The following OPHN1 variants were observed in gnomAD, a reference collection of about 807,000 sequenced individuals.
OPHN1 encodes oligophrenin 1, also known as oligophrenin-1.
Under a neutral mutation model 60.7 loss-of-function variants are expected in OPHN1, and 11 were observed. The ratio of observed to expected loss-of-function variants is 0.18; its 90% CI spans 0.11 to 0.30. The LOEUF is 0.30. OPHN1 is among the 10% of genes least tolerant of loss of function. The pLI is 1.00. For missense variants in OPHN1, 449 were observed against 611.0 expected, an observed-to-expected ratio of 0.73 and a Z score of 2.80; for synonymous variants, 226 against 222.6, an observed-to-expected ratio of 1.02 and a Z score of -0.14.
intron 12 of OPHN1, 32 bp from the exon 13 acceptor site, chrX:68,194,530 G>T (rs1406682404): frequency 2.7e-6 from 3 of 1,130,372 alleles, no homozygotes; most frequent in South Asian, 3.6e-5. Flanking sequence ...AAGATCCATG[G>T]CTATTGTCAA....
chrX:68,093,409 A>G (rs1158960600), intron 19 of OPHN1, among the ~76,000 whole-genome samples: 3 of 111,481 alleles, frequency 2.7e-5, no homozygotes, highest in African/African-American at 3.3e-5. Flanking sequence ...TTTTGTGTGG[A>G]CATGTTTTCA....
At chrX:68,334,315 T>C in intron 2 of OPHN1, among the ~76,000 whole-genome samples, 1 of 112,351 alleles carries the variant, frequency 8.9e-6, no homozygotes, top group East Asian at 2.8e-4. Flanking sequence ...GAAGTATGAC[T>C]TCCCCTAAGT....
intron 15 of OPHN1, among the ~76,000 whole-genome samples, chrX:68,186,918 G>C (rs2077465116): frequency 8.9e-6 from 1 of 111,777 alleles, no homozygotes; most frequent in Non-Finnish European, 1.9e-5. Flanking sequence ...ACCAATACTG[G>C]GGAGTCACTT....
chrX:68,192,968 G>A lies in OPHN1; in HGVS notation c.1227C>T (p.Arg409=), dbSNP rs747647299. Reference sequence around the variant, plus strand: ...GAACCTGAATATTGCTGCCCACAGTGCGGTACAACCCTTCTGTCTTGATCC... The same window carrying A: ...GAACCTGAATATTGCTGCCCACAGTACGGTACAACCCTTCTGTCTTGATCC... ...TKGIKTEGLY[R]TVGSNIQVQK... is the part of the protein sequence containing the mutation. The change falls in exon 15 of 25, where the codon CGC becomes CGT. Residue 409 remains arginine, a synonymous_variant. Coordinates refer to ENST00000355520, the MANE Select transcript of OPHN1 (RefSeq NM_002547.3). 5 of 1,210,185 alleles carry A rather than the reference G, an allele frequency of 4.1e-6. No individual in the cohort carries two copies. Among genetic ancestry groups the A allele is most frequent in the Middle Eastern group, 2.3e-4 (1 of 4,351 alleles).
At chrX:68,207,043 T>C (rs1366917096) in intron 9 of OPHN1, among the ~76,000 whole-genome samples, 1 of 111,849 alleles carries the variant, frequency 8.9e-6, no homozygotes, top group African/African-American at 3.2e-5. Context: ...TACATGACTC[T>C]ACACATCTCT....
Position 68,053,720 on chromosome X carries a change from C to T in OPHN1, c.2249G>A (p.Arg750Gln), listed in dbSNP as rs765116282. 7.4e-6 allele frequency: 9 copies of T among 1,208,876 alleles called. No homozygotes were observed. Among genetic ancestry groups the T allele is most frequent in the East Asian group, 5.9e-5 (2 of 33,735 alleles). The part of the protein sequence containing the change: ...PPVRPPDPPC[R>Q]AATPQKPEPK... ...TTCTGGCTTTTGGGGAGTAGCTGCCCGGCAGGGAGGATCTGGGGGCCTCAC... is the reference window on the plus strand; with the variant it reads ...TTCTGGCTTTTGGGGAGTAGCTGCCTGGCAGGGAGGATCTGGGGGCCTCAC... The change falls in exon 22 of 25, where the codon CGG becomes CAG. Residue 750 changes from arginine (R) to glutamine (Q), a missense_variant. Arg to Gln is a conservative substitution (Grantham distance 43, BLOSUM62 1). Coordinates refer to ENST00000355520, the MANE Select transcript of OPHN1 (RefSeq NM_002547.3).
At chrX:68,050,847 CCTT>C (rs1397835588) in intron 23 of OPHN1, among the ~76,000 whole-genome samples, 1 of 112,268 alleles carries the variant, frequency 8.9e-6, no homozygotes, top group Non-Finnish European at 1.9e-5. Flanking sequence ...TCTTCGTCTC[CCTT>C]CTTCTTTTCT....
At chrX:68,330,234 G>A (rs959904344) in intron 2 of OPHN1, among the ~76,000 whole-genome samples, 1 of 110,042 alleles carries the variant, frequency 9.1e-6, no homozygotes, top group African/African-American at 3.3e-5. Context: ...CGAGTAGTAG[G>A]ATTACAGGCA....
chrX:68,150,446 T>A (rs891301372), intron 15 of OPHN1, among the ~76,000 whole-genome samples: 1 of 111,779 alleles, frequency 8.9e-6, no homozygotes, highest in African/African-American at 3.2e-5. Context: ...TGAGCACAAA[T>A]CTAACCTATC....
At chrX:68,287,223 G>A (rs1471869221) in intron 3 of OPHN1, among the ~76,000 whole-genome samples, 1 of 91,920 alleles carries the variant, frequency 1.1e-5, no homozygotes, top group African/African-American at 4.4e-5. Context: ...AGGGAAGAAA[G>A]GAAAGAAGGA....
intron 2 of OPHN1, among the ~76,000 whole-genome samples, chrX:68,309,961 G>A (rs1472470444): frequency 8.9e-6 from 1 of 111,949 alleles, no homozygotes; most frequent in Non-Finnish European, 1.9e-5. Flanking sequence ...TGAATTCAAT[G>A]TTAATGAATC....
chrX:68,071,221 G>T, intron 20 of OPHN1: 1 of 663,783 alleles, frequency 1.5e-6, no homozygotes, highest in Non-Finnish European at 2.5e-6. Flanking sequence ...AAAACCACCA[G>T]CCTTCTGTGG....
chrX:68,409,309 A>G (rs1190477451), intron 2 of OPHN1, among the ~76,000 whole-genome samples: 1 of 111,495 alleles, frequency 9.0e-6, no homozygotes, highest in Non-Finnish European at 1.9e-5. Context: ...GCTGGGCCAC[A>G]CTGACTCTCA....
intron 2 of OPHN1, among the ~76,000 whole-genome samples, chrX:68,356,212 C>T (rs1186755499): frequency 9.0e-6 from 1 of 110,747 alleles, no homozygotes; most frequent in Non-Finnish European, 1.9e-5. Flanking sequence ...AGATTGCTCT[C>T]GTGATGTGGG....
chrX:68,275,997 G>C, intron 4 of OPHN1, among the ~76,000 whole-genome samples: 1 of 110,812 alleles, frequency 9.0e-6, no homozygotes, highest in East Asian at 2.9e-4. Flanking sequence ...CTATCATCCA[G>C]GACAGCCAGC....
Position 68,148,834 on chromosome X carries a change from A to G in OPHN1, c.1277-29502T>C, listed in dbSNP as rs192874268. Among the ~76,000 whole-genome samples, 52 of 111,378 alleles carry G rather than the reference A, an allele frequency of 4.7e-4. No homozygotes were observed. In the East Asian group the frequency reaches 0.014, roughly 31 times the overall value. On this transcript the variant is annotated intron_variant, in intron 15 of 24. Transcript: ENST00000355520. Reference sequence around the variant, plus strand: ...TGCCTTGGGCCCAGGATACTGTTAGAGGTTCTGTAATGTTTTAATTTCTTT... The same window carrying G: ...TGCCTTGGGCCCAGGATACTGTTAGGGGTTCTGTAATGTTTTAATTTCTTT...
At chrX:68,257,492 C>T (rs1294552605) in intron 5 of OPHN1, among the ~76,000 whole-genome samples, 1 of 111,450 alleles carries the variant, frequency 9.0e-6, no homozygotes, top group African/African-American at 3.3e-5. Context: ...CTCTGGTTTC[C>T]TGTTCTGTAA....
rs145101709 is a variant in OPHN1, at chrX:68,060,265, C to T, written c.2158+3589G>A. ...AAAACAGAAAGGAGAAGATGGCCAA[C>T]GCTGCTGAAGAAATATGGTATAAAG... On this transcript the variant is annotated intron_variant, in intron 21 of 24. Coordinates refer to ENST00000355520, the MANE Select transcript of OPHN1 (RefSeq NM_002547.3). Among the ~76,000 whole-genome samples, 132 of 111,182 alleles carry T rather than the reference C, an allele frequency of 1.2e-3. 1 individual carries two copies. Among genetic ancestry groups the T allele is most frequent in the East Asian group, 7.7e-3 (27 of 3,518 alleles).
chrX:68,377,927 C>G (rs1348312894), intron 2 of OPHN1, among the ~76,000 whole-genome samples: 7 of 111,698 alleles, frequency 6.3e-5, no homozygotes, highest in Admixed American at 9.6e-5. Context: ...ATGATTTATA[C>G]TCCTTTGGGT....
Sources: allele counts gnomAD v4.1 joint callset (sites outside exome capture counted in the v4.1 genomes callset), GRCh38; gene constraint gnomAD v4.1.1; transcripts MANE v1.5; gene names NCBI Gene and HGNC (gene_info 2026-07-23, HGNC 2026-07-21).